Variants in SUGCT observed in about 807,000 individuals in gnomAD.
SUGCT encodes succinyl-CoA:glutarate-CoA transferase.
SUGCT carries 41 observed loss-of-function variants against 55.0 expected under a neutral mutation model. The ratio of observed to expected loss-of-function variants is 0.74; its 90% CI spans 0.58 to 0.97. The LOEUF (loss-of-function observed/expected upper bound fraction) is 0.97. SUGCT is among the 50% of genes least tolerant of loss of function. The probability of loss-of-function intolerance (pLI) is 0.00; values close to 1 mark genes in which losing one functional copy is unlikely to be tolerated. For synonymous variants in SUGCT, 187 were observed against 200.4 expected (o/e 0.93, Z 0.56); for missense variants, 568 against 547.8 (o/e 1.04, Z -0.37).
intron 8 of SUGCT, among the ~76,000 whole-genome samples, chr7:40,276,192 A>G (rs2151004605): frequency 6.6e-6 from 1 of 152,354 alleles, no homozygotes; most frequent in African/African-American, 2.4e-5. Flanking sequence ...TAATGTTTCT[A>G]TAAAAAGGTA....
intron 12 of SUGCT, among the ~76,000 whole-genome samples, chr7:40,710,733 T>G (rs190554673): frequency 6.6e-6 from 1 of 152,202 alleles, no homozygotes; most frequent in Non-Finnish European, 1.5e-5. Context: ...AGCAAATAAT[T>G]ATCCACTTAC....
intron 9 of SUGCT, among the ~76,000 whole-genome samples, chr7:40,321,335 C>G (rs1186001405): frequency 6.6e-6 from 1 of 152,068 alleles, no homozygotes; most frequent in Non-Finnish European, 1.5e-5. Context: ...CCTCGGCCTC[C>G]CAAAGTGCTG....
rs146658247 is a variant in SUGCT, at chr7:40,307,402, A to G, written c.721-9358A>G. Among the ~76,000 whole-genome samples the G allele has an allele frequency of 3.7e-3, 570 of 152,278 alleles. 4 individuals are homozygous for G. Among genetic ancestry groups the G allele is most frequent in the African/African-American group, 0.012 (485 of 41,550 alleles). The stretch of plus-strand genomic sequence containing the variant: ...TAGTAAGTTCCAACTAAACTTTTCC[A>G]GGTTCAGGGCCACTCAGAAAGTTTG... On this transcript the variant is annotated intron_variant, in intron 8 of 13. Transcript: ENST00000335693.
intron 13 of SUGCT, among the ~76,000 whole-genome samples, chr7:40,811,513 G>T (rs749625774): frequency 1.5e-4 from 23 of 151,886 alleles, no homozygotes; most frequent in Non-Finnish European, 2.8e-4. Context: ...TGGGTATTTT[G>T]TTTGTGTGTG....
chr7:40,203,524 C>G (rs1298607734), intron 6 of SUGCT, among the ~76,000 whole-genome samples: 3 of 152,058 alleles, frequency 2.0e-5, no homozygotes, highest in African/African-American at 7.2e-5. Flanking sequence ...CCTGTAATCC[C>G]AGCACTTTGG....
intron 6 of SUGCT, among the ~76,000 whole-genome samples, chr7:40,207,327 G>C (rs1300690387): frequency 1.3e-5 from 2 of 152,140 alleles, no homozygotes; most frequent in African/African-American, 2.4e-5. Context: ...CACATCATTA[G>C]CCATTAGGGA....
intron 12 of SUGCT, among the ~76,000 whole-genome samples, chr7:40,629,602 A>C (rs1455395844): frequency 1.3e-5 from 2 of 152,190 alleles, no homozygotes; most frequent in Non-Finnish European, 2.9e-5. Context: ...ACTCGAGGTC[A>C]TGTCATCTGT....
intron 13 of SUGCT, among the ~76,000 whole-genome samples, chr7:40,788,157 C>G (rs1790124678): frequency 6.6e-6 from 1 of 152,134 alleles, no homozygotes; most frequent in South Asian, 2.1e-4. Flanking sequence ...GAGTCATTCT[C>G]CCTGCAGCAG....
At chr7:40,784,002 T>G (rs1789891514) in intron 13 of SUGCT, among the ~76,000 whole-genome samples, 1 of 152,160 alleles carries the variant, frequency 6.6e-6, no homozygotes, top group Admixed American at 6.5e-5. Context: ...TAAGCATGAG[T>G]GTATGACTCA....
intron 12 of SUGCT, among the ~76,000 whole-genome samples, chr7:40,563,756 G>C (rs1202791227): frequency 1.3e-5 from 2 of 151,404 alleles, no homozygotes; most frequent in Non-Finnish European, 2.9e-5. Context: ...AATAATAAAA[G>C]GGGGGGAAAG....
chr7:40,429,122 G>GT (rs57670997), intron 9 of SUGCT, among the ~76,000 whole-genome samples: 41 of 150,674 alleles, frequency 2.7e-4, no homozygotes, highest in African/African-American at 5.4e-4. Flanking sequence ...CATAATTACC[G>GT]TTTTTTTTTT....
intron 6 of SUGCT, among the ~76,000 whole-genome samples, chr7:40,222,710 G>T (rs1263770120): frequency 6.6e-6 from 1 of 152,094 alleles, no homozygotes; most frequent in Non-Finnish European, 1.5e-5. Flanking sequence ...GGTGTGGTGT[G>T]TGTGCCTGTA....
At chr7:40,493,853 T>C (rs566008146) in intron 11 of SUGCT, among the ~76,000 whole-genome samples, 1 of 152,274 alleles carries the variant, frequency 6.6e-6, no homozygotes, top group East Asian at 1.9e-4. Context: ...GATCAAGAGA[T>C]AGATTTTTAG....
chr7:40,510,408 A>G (rs1792858130), intron 12 of SUGCT, among the ~76,000 whole-genome samples: 1 of 152,188 alleles, frequency 6.6e-6, no homozygotes, highest in Non-Finnish European at 1.5e-5. Flanking sequence ...TCTGGTAAAC[A>G]CAGTGTTTTG....
chr7:40,338,641 C>A (rs546201477), intron 9 of SUGCT, among the ~76,000 whole-genome samples: 4 of 152,230 alleles, frequency 2.6e-5, no homozygotes, highest in South Asian at 2.1e-4. Flanking sequence ...TTCTAGTTAG[C>A]CATTCGTCTT....
chr7:40,362,279 T>C (rs924775401), intron 9 of SUGCT, among the ~76,000 whole-genome samples: 5 of 151,872 alleles, frequency 3.3e-5, no homozygotes, highest in African/African-American at 1.2e-4. Context: ...ATTAGCTGGG[T>C]GTGGTGGCGC....
At chr7:40,853,361 G>C (rs988837646) in intron 13 of SUGCT, among the ~76,000 whole-genome samples, 4 of 151,960 alleles carry the variant, frequency 2.6e-5, no homozygotes, top group Non-Finnish European at 4.4e-5. Flanking sequence ...GAGTCTAATA[G>C]ATAGAAGCTC....
At chr7:40,410,077 G>A (rs889381208) in intron 9 of SUGCT, among the ~76,000 whole-genome samples, 1 of 151,910 alleles carries the variant, frequency 6.6e-6, no homozygotes, top group South Asian at 2.1e-4. Flanking sequence ...TATAATCTAA[G>A]CATGGTAATT....
intron 12 of SUGCT, among the ~76,000 whole-genome samples, chr7:40,633,691 G>T (rs1799897810): frequency 6.6e-6 from 1 of 152,178 alleles, no homozygotes; most frequent in Non-Finnish European, 1.5e-5. Context: ...CAATTCCAAA[G>T]ATTTAAAGGC....
Sources: gnomAD v4.1 joint callset for allele counts (sites outside exome capture counted in the v4.1 genomes callset) on GRCh38, gnomAD v4.1.1 for gene constraint, MANE v1.5 for transcripts, NCBI Gene and HGNC (gene_info 2026-07-23, HGNC 2026-07-21) for gene names.